LARP7: variants seen among roughly 807,000 people sequenced by gnomAD.
LARP7 encodes the protein La ribonucleoprotein 7, transcriptional regulator, also known as la-related protein 7.
LARP7 carries 52 observed loss-of-function variants against 69.3 expected under a neutral mutation model. The observed-to-expected ratio is 0.75, with a 90% confidence interval of 0.60 to 0.95. The LOEUF (loss-of-function observed/expected upper bound fraction) is 0.95. Ranked by LOEUF, LARP7 falls within the 40% of genes least tolerant of loss-of-function variation. LARP7 has a pLI of 0.00. For missense variants in LARP7, 733 were observed against 673.0 expected (o/e 1.09, Z -0.99); for synonymous variants, 254 against 215.9 (o/e 1.18, Z -1.55).
In LARP7 at chr4:112,648,915, T is replaced by G. The variant is rs141734955; in HGVS notation, c.1143-620T>G. 8.7e-4 allele frequency among the ~76,000 whole-genome samples: 128 copies of G among 146,980 alleles called. 2 individuals are homozygous for G. The highest frequency in any genetic ancestry group is 3.0e-3 in the African/African-American group (119 of 40,142). On this transcript the variant is annotated intron_variant, in intron 8 of 12. Transcript: ENST00000344442. ...CAGCTAAAACCATTACCACAAGATA[T>G]CTTCCTCTTAAAAAAAAAAAAGAAA...
chr4:112,657,377 C>T lies in LARP7; in HGVS notation c.*50C>T. The T allele has an allele frequency of 2.2e-6, 2 of 909,054 alleles. No individual in the cohort carries two copies. Among genetic ancestry groups the T allele is most frequent in the South Asian group, 2.2e-5 (1 of 44,794 alleles). 56.3% of individuals were successfully genotyped at this position (909,054 alleles called of 1,614,324 possible). ...TACTTCACAAGATACTTGAGCTGTT[C>T]TTGGGAGATTCACTTTTATTATGGT... On this transcript the variant is annotated 3_prime_UTR_variant, in exon 13 of 13. Coordinates refer to ENST00000344442, the MANE Select transcript of LARP7 (RefSeq NM_016648.4).
chr4:112,648,546 G>T (rs1413992790), intron 8 of LARP7: 1 of 526,978 alleles, frequency 1.9e-6, no homozygotes, highest in African/African-American at 1.9e-5. Flanking sequence ...CCATGTTAAA[G>T]TTGAAGGGAG....
intron 8 of LARP7, chr4:112,648,596 A>C (rs2048514546): frequency 4.2e-6 from 2 of 472,974 alleles, no homozygotes; most frequent in African/African-American, 4.0e-5. Context: ...CAGAGTATTT[A>C]GAGCTGAGGA....
Position 112,653,244 on chromosome 4 carries a change from T to G in LARP7, c.1576+8T>G, listed in dbSNP as rs1327164295. On this transcript the variant is annotated splice_region_variant and intron_variant, in intron 11 of 12. Transcript: ENST00000344442. ...AACTCGAGATCCTTTCTGGTAAAAC[T>G]TCATAGACGTTTCCTTTTTTTTTTG... 8 of 1,566,484 alleles carry G rather than the reference T, an allele frequency of 5.1e-6. No homozygotes were observed. Among genetic ancestry groups the G allele is most frequent in the Non-Finnish European group, 6.0e-6 (7 of 1,163,898 alleles).
chr4:112,647,153 G>A (rs987305364), intron 6 of LARP7, 26 bp downstream of exon 6: 1 of 1,595,898 alleles, frequency 6.3e-7, no homozygotes, highest in Admixed American at 1.8e-5. Context: ...TATTTAAATA[G>A]GTGTAGTTGA....
At chr4:112,643,520 G>T (rs561407083) in intron 1 of LARP7, among the ~76,000 whole-genome samples, 5 of 152,240 alleles carry the variant, frequency 3.3e-5, no homozygotes, top group African/African-American at 4.8e-5. Context: ...TGCTGCCCAA[G>T]AAATAAACAC....
chr4:112,647,905 T>C (rs771483662), intron 8 of LARP7, 71 bp downstream of exon 8: 4 of 1,106,436 alleles, frequency 3.6e-6, no homozygotes, highest in Admixed American at 1.7e-5. Flanking sequence ...AATTCCAATT[T>C]ATATTCAACA....
intron 8 of LARP7, 37 bp downstream of exon 8, chr4:112,647,871 A>ACC: frequency 7.1e-7 from 1 of 1,410,172 alleles, no homozygotes; most frequent in Non-Finnish European, 1.0e-6. Flanking sequence ...TTGGCTTAAC[A>ACC]ATCCATCACC....
chr4:112,655,585 T>G (rs962430226), intron 12 of LARP7: 1 of 152,222 alleles, frequency 6.6e-6, no homozygotes, highest in Admixed American at 6.5e-5. Context: ...TGCTAGTTAA[T>G]TCAGCTAATG....
intron 2 of LARP7, chr4:112,645,422 C>T (rs1212948205): frequency 4.6e-6 from 2 of 436,074 alleles, no homozygotes; most frequent in African/African-American, 4.1e-5. Flanking sequence ...GATTTAATTG[C>T]TTCAATAACC....
At chr4:112,647,162 GAAGT>G (rs769051922) in intron 6 of LARP7, 33 bp from the exon 7 acceptor site, 7 of 1,594,862 alleles carry the variant, frequency 4.4e-6, no homozygotes, top group Admixed American at 1.8e-5. Flanking sequence ...AGGTGTAGTT[GAAGT>G]AAGATGAACT....
At chr4:112,643,580 G>T (rs1253016569) in intron 1 of LARP7, among the ~76,000 whole-genome samples, 3 of 152,190 alleles carry the variant, frequency 2.0e-5, no homozygotes, top group South Asian at 2.1e-4. Context: ...GGGCGCGGTG[G>T]CTCACACCTA....
chr4:112,648,113 T>C (rs1000958560), intron 8 of LARP7: 1 of 560,422 alleles, frequency 1.8e-6, no homozygotes, highest in Non-Finnish European at 3.6e-6. Flanking sequence ...AAAGCTTAAA[T>C]ATATGAGCTG....
chr4:112,656,391 C>CTGGG (rs746708243), intron 12 of LARP7, among the ~76,000 whole-genome samples: 18 of 152,080 alleles, frequency 1.2e-4, no homozygotes, highest in South Asian at 4.1e-4. Flanking sequence ...GAGCAAGACT[C>CTGGG]TGTCTCAAAA....
intron 1 of LARP7, among the ~76,000 whole-genome samples, chr4:112,642,272 ATGAC>A (rs2047993376): frequency 6.6e-6 from 1 of 152,194 alleles, no homozygotes; most frequent in Non-Finnish European, 1.5e-5. Flanking sequence ...GTGGTACTCA[ATGAC>A]ACCTCATTGT....
At chr4:112,655,386 C>G (rs1341572890) in intron 12 of LARP7, 1 of 152,014 alleles carries the variant, frequency 6.6e-6, no homozygotes, top group Non-Finnish European at 1.5e-5. Flanking sequence ...CTAGGAAGTT[C>G]TTAAATTGAG....
chr4:112,657,547 G>A lies in LARP7; in HGVS notation c.*220G>A, dbSNP rs1442780306. 6.6e-6 allele frequency: 2 copies of A among 304,336 alleles called. No individual in the cohort carries two copies. Among genetic ancestry groups the A allele is most frequent in the Non-Finnish European group, 1.2e-5 (2 of 165,106 alleles). 18.9% of individuals were successfully genotyped at this position (304,336 alleles called of 1,614,324 possible). ...TTTGTTGAAATTATCTTAGATGTCA[G>A]TGTCAGGTGATTTAGTAAATAAATG... On this transcript the variant is annotated 3_prime_UTR_variant, in exon 13 of 13. Transcript: ENST00000344442.
At position 112,653,177 on chromosome 4, in the gene LARP7, T is replaced by G; in HGVS notation, c.1517T>G (p.Val506Gly). The change falls in exon 11 of 13, where the codon GTA becomes GGA. Residue 506 changes from valine (V) to glycine (G), a missense_variant. Coordinates refer to ENST00000344442, the MANE Select transcript of LARP7 (RefSeq NM_016648.4). ...RFKTPEDAQA[V>G]INAYTEINKK... ...AAAACTCCTGAGGATGCTCAAGCAG[T>G]AATAAATGCCTATACAGAAATTAAC... 6.2e-7 allele frequency: 1 copy of G among 1,609,498 alleles called. No homozygotes were observed. Among genetic ancestry groups the G allele is most frequent in the Non-Finnish European group, 8.5e-7 (1 of 1,177,888 alleles).
In LARP7 at chr4:112,646,359, A is replaced by G. The variant is rs1364226698; in HGVS notation, c.211A>G (p.Ile71Val). 5.5e-6 allele frequency: 8 copies of G among 1,450,942 alleles called. No homozygotes were observed. Among genetic ancestry groups the G allele is most frequent in the Non-Finnish European group, 7.7e-6 (8 of 1,038,812 alleles). 89.9% of individuals were successfully genotyped at this position (1,450,942 alleles called of 1,614,324 possible). Reference protein sequence around the residue: ...IEKSRDGYVDISLLVSFNKMK... With the variant: ...IEKSRDGYVDVSLLVSFNKMK... Reference sequence around the variant, plus strand: ...TTTTTCATTTTCTTTAGATGTTGATATATCACTACTTGTGTCTTTTAACAA... The same window carrying G: ...TTTTTCATTTTCTTTAGATGTTGATGTATCACTACTTGTGTCTTTTAACAA... Residue 71 changes from isoleucine to valine, a missense_variant, in exon 3 of 13, where the codon ATA becomes GTA. Ile to Val is a conservative substitution (Grantham distance 29). Transcript: ENST00000344442.
Sources: gnomAD v4.1 joint callset for allele counts (sites outside exome capture counted in the v4.1 genomes callset) on GRCh38, gnomAD v4.1.1 for gene constraint, MANE v1.5 for transcripts, NCBI Gene and HGNC (gene_info 2026-07-23, HGNC 2026-07-21) for gene names.